VIT: variants seen among roughly 807,000 people sequenced by gnomAD.
The protein encoded by VIT is vitrin.
Under a neutral mutation model 78.0 loss-of-function variants are expected in VIT, and 99 were observed. That is an observed-to-expected ratio of 1.27 (90% CI 1.08 to 1.50). The LOEUF is 1.50. Ranked by LOEUF, VIT falls within the 40% of genes most tolerant of loss-of-function variation. The pLI is 0.00. For synonymous variants in VIT, 374 were observed against 334.3 expected (o/e 1.12, Z -1.29); for missense variants, 1,126 against 875.3 (o/e 1.29, Z -3.61).
At chr2:36,704,194 C>T (rs1573104696) in intron 1 of VIT, among the ~76,000 whole-genome samples, 2 of 151,776 alleles carry the variant, frequency 1.3e-5, no homozygotes, top group Non-Finnish European at 2.9e-5. Flanking sequence ...CCAAAGTGCT[C>T]GGATTACAGG....
intron 7 of VIT, among the ~76,000 whole-genome samples, chr2:36,767,720 TTAC>T (rs1430925503): frequency 2.0e-5 from 3 of 152,246 alleles, no homozygotes; most frequent in Non-Finnish European, 4.4e-5. Context: ...GTTTTTTGTC[TTAC>T]TACTTTTACC....
chr2:36,699,611 TAG>T (rs1558495703), intron 1 of VIT, among the ~76,000 whole-genome samples: 55 of 124,204 alleles, frequency 4.4e-4, no homozygotes, highest in African/African-American at 1.3e-3. Context: ...GATATAGATA[TAG>T]ATAGATATAT....
intron 4 of VIT, among the ~76,000 whole-genome samples, chr2:36,747,550 C>A (rs1344445264): frequency 6.6e-6 from 1 of 152,140 alleles, no homozygotes; most frequent in Admixed American, 6.6e-5. Context: ...TAATACCCTT[C>A]TTTGTCTGTT....
chr2:36,769,845 C>A (rs1187914959), intron 7 of VIT, among the ~76,000 whole-genome samples: 1 of 152,158 alleles, frequency 6.6e-6, no homozygotes, highest in Non-Finnish European at 1.5e-5. Context: ...ATCATTTCCC[C>A]AACCCCTCCT....
At chr2:36,732,182 C>T (rs560472721) in intron 3 of VIT, among the ~76,000 whole-genome samples, 1 of 152,156 alleles carries the variant, frequency 6.6e-6, no homozygotes, top group African/African-American at 2.4e-5. Flanking sequence ...AACTCATATA[C>T]AAAAATCACG....
chr2:36,804,802 C>A (rs1175739272), intron 13 of VIT, among the ~76,000 whole-genome samples: 1 of 151,608 alleles, frequency 6.6e-6, no homozygotes, highest in African/African-American at 2.4e-5. Context: ...TGCACTCCAG[C>A]CTGGCAACAG....
At chr2:36,809,322 C>T (rs1393455440) in intron 15 of VIT, among the ~76,000 whole-genome samples, 13 of 152,190 alleles carry the variant, frequency 8.5e-5, no homozygotes, top group Admixed American at 7.9e-4. Flanking sequence ...TGACTCATCA[C>T]TTTACCTCTA....
chr2:36,781,786 C>T lies in VIT; in HGVS notation c.847+15C>T. On this transcript the variant is annotated intron_variant, in intron 10 of 15. Coordinates refer to ENST00000379242, the MANE Select transcript of VIT (RefSeq NM_053276.4). Reference sequence around the variant, plus strand: ...TTTAGATGAAGGTAATTATACAGCCCAACCTCTCAGCCACGCGTGGATCAA... The same window carrying T: ...TTTAGATGAAGGTAATTATACAGCCTAACCTCTCAGCCACGCGTGGATCAA... The T allele has an allele frequency of 6.2e-7, 1 of 1,614,000 alleles. No homozygotes were observed. The highest frequency in any genetic ancestry group is 8.5e-7 in the Non-Finnish European group (1 of 1,179,936).
chr2:36,793,981 G>C (rs932233683), intron 12 of VIT, among the ~76,000 whole-genome samples: 1 of 152,152 alleles, frequency 6.6e-6, no homozygotes, highest in Non-Finnish European at 1.5e-5. Context: ...GAGAGGAATG[G>C]TAACCTATAT....
At chr2:36,732,724 G>A (rs994932897) in intron 3 of VIT, among the ~76,000 whole-genome samples, 2 of 152,164 alleles carry the variant, frequency 1.3e-5, no homozygotes, top group African/African-American at 4.8e-5. Context: ...ATCAAAGGTG[G>A]AAGAAAGACA....
intron 2 of VIT, among the ~76,000 whole-genome samples, chr2:36,717,272 G>A (rs1337012877): frequency 2.7e-5 from 4 of 147,258 alleles, no homozygotes; most frequent in East Asian, 2.0e-4. Flanking sequence ...TCTCCCTCCC[G>A]GGTTCACCCC....
chr2:36,746,381 G>A (rs1668135790), intron 4 of VIT, among the ~76,000 whole-genome samples: 1 of 152,060 alleles, frequency 6.6e-6, no homozygotes, highest in South Asian at 2.1e-4. Context: ...AGTAGTATTG[G>A]TACCAGCTCT....
At chr2:36,800,206 G>A (rs577192077) in intron 12 of VIT, among the ~76,000 whole-genome samples, 37 of 152,182 alleles carry the variant, frequency 2.4e-4, no homozygotes, top group African/African-American at 7.7e-4. Flanking sequence ...TTAGCCAGGC[G>A]CGGTGGCAGG....
At position 36,813,786 on chromosome 2, in the gene VIT, C is replaced by T. The variant is rs558750408; in HGVS notation, c.1904-397C>T. On this transcript the variant is annotated intron_variant, in intron 15 of 15. Coordinates refer to ENST00000379242, the MANE Select transcript of VIT (RefSeq NM_053276.4). ...TCCCACTGGTAGAGCAGGCATGTGT[C>T]ATGTATTCTGATCTGCATGGCCCCA... 3.9e-4 allele frequency among the ~76,000 whole-genome samples: 60 copies of T among 152,306 alleles called. 1 individual carries two copies. Among genetic ancestry groups the T allele is most frequent in the African/African-American group, 1.4e-3 (58 of 41,576 alleles).
chr2:36,799,171 A>G (rs892902784), intron 12 of VIT, among the ~76,000 whole-genome samples: 4 of 152,172 alleles, frequency 2.6e-5, no homozygotes, highest in Non-Finnish European at 4.4e-5. Context: ...TGGGGATAGC[A>G]TAGATCATTT....
At chr2:36,706,460 A>G (rs1665425914) in intron 1 of VIT, among the ~76,000 whole-genome samples, 1 of 152,202 alleles carries the variant, frequency 6.6e-6, no homozygotes, top group South Asian at 2.1e-4. Flanking sequence ...GACTGGAAAT[A>G]GAACCTGGAA....
At chr2:36,746,629 T>G (rs1025792171) in intron 4 of VIT, among the ~76,000 whole-genome samples, 5 of 152,152 alleles carry the variant, frequency 3.3e-5, no homozygotes, top group Non-Finnish European at 5.9e-5. Flanking sequence ...TGTATTTCTG[T>G]GGGATTGGTT....
chr2:36,792,833 C>G (rs1665600103), intron 12 of VIT, among the ~76,000 whole-genome samples: 1 of 152,174 alleles, frequency 6.6e-6, no homozygotes, highest in South Asian at 2.1e-4. Flanking sequence ...CTTTCTCTGC[C>G]TTTCATTTCC....
intron 13 of VIT, 151 bp downstream of exon 13, chr2:36,801,555 C>G (rs1480367776): frequency 1.5e-6 from 1 of 679,412 alleles, no homozygotes; most frequent in Non-Finnish European, 2.4e-6. Context: ...CACCTGTTAT[C>G]CCAGCACTTT....
Sources: gnomAD v4.1 joint callset for allele counts (sites outside exome capture counted in the v4.1 genomes callset) on GRCh38, gnomAD v4.1.1 for gene constraint, MANE v1.5 for transcripts, NCBI Gene and HGNC (gene_info 2026-07-23, HGNC 2026-07-21) for gene names.